Variants in NPL observed in about 807,000 individuals in gnomAD.
NPL encodes the protein N-acetylneuraminate lyase.
Under a neutral mutation model 41.1 loss-of-function variants are expected in NPL, and 32 were observed. That is an observed-to-expected ratio of 0.78 (90% CI 0.59 to 1.05). The LOEUF (loss-of-function observed/expected upper bound fraction) is 1.05. Ranked by LOEUF, NPL falls within the 50% of genes least tolerant of loss-of-function variation. The pLI is 0.00. For synonymous variants in NPL, 128 were observed against 134.9 expected (o/e 0.95, Z 0.35); for missense variants, 321 against 378.4 (o/e 0.85, Z 1.26).
At chr1:182,822,336 A>G in intron 11 of NPL, 137 bp downstream of exon 11, 1 of 709,932 alleles carries the variant, frequency 1.4e-6, no homozygotes, top group South Asian at 1.6e-5. Context: ...TCTGTTTTGT[A>G]CTTTTTCTTG....
intron 10 of NPL, among the ~76,000 whole-genome samples, chr1:182,819,535 C>G (rs1384471511): frequency 6.6e-6 from 1 of 151,758 alleles, no homozygotes; most frequent in Non-Finnish European, 1.5e-5. Flanking sequence ...CACCTGAACC[C>G]AGGAGACAGA....
At chr1:182,827,628 C>G (rs1249973930) in intron 12 of NPL, among the ~76,000 whole-genome samples, 1 of 151,610 alleles carries the variant, frequency 6.6e-6, no homozygotes, top group African/African-American at 2.4e-5. Flanking sequence ...ATATTTTTTT[C>G]AGTATTTCTT....
At chr1:182,826,272 A>G (rs1357559854) in intron 12 of NPL, 1 of 179,762 alleles carries the variant, frequency 5.6e-6, no homozygotes, top group Non-Finnish European at 1.2e-5. Flanking sequence ...GGAGGTTTGG[A>G]TAATATGACA....
At chr1:182,795,781 G>T (rs574547621) in intron 3 of NPL, 1 of 152,076 alleles carries the variant, frequency 6.6e-6, no homozygotes, top group Non-Finnish European at 1.5e-5. Context: ...TCACTTGTTC[G>T]CAGATCAAAC....
chr1:182,812,467 G>A (rs1192329855), intron 6 of NPL, among the ~76,000 whole-genome samples: 1 of 152,168 alleles, frequency 6.6e-6, no homozygotes, highest in Non-Finnish European at 1.5e-5. Context: ...TGCAGCTGTA[G>A]CTGAGTTTGC....
chr1:182,820,775 G>A (rs530569090), intron 10 of NPL, among the ~76,000 whole-genome samples: 1 of 152,250 alleles, frequency 6.6e-6, no homozygotes, highest in African/African-American at 2.4e-5. Context: ...TAAACCATGA[G>A]AAACTGCCCC....
chr1:182,794,167 C>T (rs772918082), intron 2 of NPL, among the ~76,000 whole-genome samples, 189 bp from the exon 3 acceptor site: 2 of 152,120 alleles, frequency 1.3e-5, no homozygotes, highest in African/African-American at 2.4e-5. Flanking sequence ...TCAAGTCTAC[C>T]CTCTCCTGTC....
intron 4 of NPL, 40 bp from the exon 5 acceptor site, chr1:182,806,105 G>A (rs755898471): frequency 6.2e-7 from 1 of 1,613,542 alleles, no homozygotes; most frequent in Non-Finnish European, 8.5e-7. Context: ...AGAAGCAGAG[G>A]TGCTCCTTGG....
intron 3 of NPL, chr1:182,795,649 T>A (rs1194539398): frequency 6.6e-6 from 1 of 152,200 alleles, no homozygotes; most frequent in Non-Finnish European, 1.5e-5. Flanking sequence ...TAGGTCTAAA[T>A]AAGATTCTTG....
At chr1:182,817,939 A>G (rs1406028841) in intron 8 of NPL, among the ~76,000 whole-genome samples, 1 of 152,156 alleles carries the variant, frequency 6.6e-6, no homozygotes. Context: ...CTCATTGGCC[A>G]TGGGTGATCA....
Position 182,803,780 on chromosome 1 carries a change from A to T in NPL, c.142+9A>T. On this transcript the variant is annotated intron_variant, in intron 4 of 12. Transcript: ENST00000367553. ...AGTGAAGAACATTTTTGGTAAGTCAACTCTGGGGATGTCGCTGCATGTCTC... is the reference window on the plus strand; with the variant it reads ...AGTGAAGAACATTTTTGGTAAGTCATCTCTGGGGATGTCGCTGCATGTCTC... The T allele has an allele frequency of 6.3e-7, 1 of 1,589,380 alleles. No homozygotes were observed. Among genetic ancestry groups the T allele is most frequent in the Non-Finnish European group, 8.6e-7 (1 of 1,157,594 alleles).
At chr1:182,815,094 C>T (rs1571267734) in intron 7 of NPL, among the ~76,000 whole-genome samples, 2 of 152,168 alleles carry the variant, frequency 1.3e-5, no homozygotes, top group Admixed American at 6.5e-5. Flanking sequence ...TCCACTGAGC[C>T]TGGTTGATCT....
chr1:182,824,666 G>A (rs974096585), intron 11 of NPL, among the ~76,000 whole-genome samples: 5 of 151,972 alleles, frequency 3.3e-5, no homozygotes, highest in Admixed American at 2.0e-4. Flanking sequence ...GCGTGGTGGC[G>A]GGCGCCTGTA....
At chr1:182,825,132 G>A (rs1047212036) in intron 11 of NPL, among the ~76,000 whole-genome samples, 1 of 152,150 alleles carries the variant, frequency 6.6e-6, no homozygotes, top group African/African-American at 2.4e-5. Context: ...ATTTTTGAGA[G>A]GACTTATTAC....
intron 10 of NPL, among the ~76,000 whole-genome samples, chr1:182,819,420 C>T (rs547673204): frequency 1.0e-4 from 15 of 149,394 alleles, no homozygotes; most frequent in African/African-American, 2.7e-4. Flanking sequence ...CACTCTAGCC[C>T]GGGCAACAAG....
Position 182,794,340 on chromosome 1 carries a change from A to T in NPL, c.-16-16A>T. On this transcript the variant is annotated splice_polypyrimidine_tract_variant and intron_variant, in intron 2 of 12. Transcript: ENST00000367553. ...TTCCTTGAAGAAAGAGAGAAATTAC[A>T]TTGTATGTTTTCCAGACCTACCAGC... The T allele has an allele frequency of 6.2e-7, 1 of 1,603,284 alleles. No individual in the cohort carries two copies. The highest frequency in any genetic ancestry group is 1.1e-5 in the South Asian group (1 of 90,874).
intron 3 of NPL, among the ~76,000 whole-genome samples, chr1:182,798,726 G>A (rs553032433): frequency 1.3e-5 from 2 of 152,310 alleles, no homozygotes; most frequent in South Asian, 2.1e-4. Context: ...AGTGAGGAAA[G>A]GCCTGGCCTG....
intron 10 of NPL, among the ~76,000 whole-genome samples, chr1:182,819,381 G>A (rs1209175586): frequency 6.6e-6 from 1 of 152,032 alleles, no homozygotes; most frequent in Non-Finnish European, 1.5e-5. Flanking sequence ...GGAAGGCGGA[G>A]GTTGCAGTGA....
intron 11 of NPL, 28 bp from the exon 12 acceptor site, chr1:182,825,753 T>G: frequency 1.4e-6 from 2 of 1,387,322 alleles, no homozygotes; most frequent in Non-Finnish European, 2.0e-6. Context: ...TCAATAATAC[T>G]AACTATAGAT....
Sources: allele counts gnomAD v4.1 joint callset (sites outside exome capture counted in the v4.1 genomes callset), GRCh38; gene constraint gnomAD v4.1.1; transcripts MANE v1.5; gene names NCBI Gene and HGNC (gene_info 2026-07-23, HGNC 2026-07-21).